Variants in GRM4 observed in about 807,000 individuals in gnomAD.
GRM4 encodes metabotropic glutamate receptor 4.
In GRM4, 28 loss-of-function variants were observed where a neutral mutation model predicts 81.7. The ratio of observed to expected loss-of-function variants is 0.34; its 90% CI spans 0.25 to 0.47. GRM4 has a LOEUF of 0.47. Ranked by LOEUF, GRM4 falls within the 20% of genes least tolerant of loss-of-function variation. The pLI is 1.00. For synonymous variants in GRM4, 488 were observed against 528.8 expected, an observed-to-expected ratio of 0.92 and a Z score of 1.06; for missense variants, 948 against 1,290.0, an observed-to-expected ratio of 0.73 and a Z score of 4.06.
intron 8 of GRM4, among the ~76,000 whole-genome samples, chr6:34,037,032 C>T (rs1360240692): frequency 1.3e-5 from 2 of 152,220 alleles, no homozygotes; most frequent in African/African-American, 4.8e-5. Context: ...CAAATTCCAG[C>T]CCCATCCCAG....
At chr6:34,109,846 C>T (rs2127498589) in intron 2 of GRM4, among the ~76,000 whole-genome samples, 1 of 152,192 alleles carries the variant, frequency 6.6e-6, no homozygotes, top group Middle Eastern at 3.4e-3. Flanking sequence ...TCATGTGGTT[C>T]CAAGTTCTCT....
chr6:34,038,526 G>A (rs940055695), intron 8 of GRM4, among the ~76,000 whole-genome samples: 4 of 152,196 alleles, frequency 2.6e-5, no homozygotes, highest in Admixed American at 1.3e-4. Context: ...CCAGTGATGC[G>A]ACGCCGCCAC....
In GRM4 at chr6:34,035,908, T is replaced by G. The variant is rs2228623; in HGVS notation, c.2202A>C (p.Thr734=). ...HSVVDFQDQR[T]LDPRFARGVL... Reference sequence around the variant, plus strand: ...CACCCCTGGCGAAGCGGGGGTCGAGTGTCCGCTGGTCCTGGAAGTCCACCA... The same window carrying G: ...CACCCCTGGCGAAGCGGGGGTCGAGGGTCCGCTGGTCCTGGAAGTCCACCA... The change falls in exon 9 of 11, where the codon ACA becomes ACC. Residue 734 remains threonine, a synonymous_variant. Coordinates refer to ENST00000538487, the MANE Select transcript of GRM4 (RefSeq NM_000841.4). This position sits in a 1 kb window ranked among gnomAD's most constrained non-coding sequence, Gnocchi z 6.6. The G allele has an allele frequency of 1.2e-6, 2 of 1,606,758 alleles. No individual in the cohort carries two copies. Among genetic ancestry groups the G allele is most frequent in the East Asian group, 4.5e-5 (2 of 44,576 alleles).
chr6:34,133,847 T>A lies in GRM4; in HGVS notation c.-351A>T. The A allele has an allele frequency of 9.3e-7, 1 of 1,078,234 alleles. No homozygotes were observed. The highest frequency in any genetic ancestry group is 1.1e-6 in the Non-Finnish European group (1 of 890,582). 66.8% of individuals were successfully genotyped at this position (1,078,234 alleles called of 1,614,324 possible). ...CAAGGAGAAAACAGCTCCAATCCTCTCCTCCTACCAACCTTAGAAGGGGAA... is the reference window on the plus strand; with the variant it reads ...CAAGGAGAAAACAGCTCCAATCCTCACCTCCTACCAACCTTAGAAGGGGAA... On this transcript the variant is annotated 5_prime_UTR_variant, in exon 2 of 11. Transcript: ENST00000538487. The surrounding 1 kb of genome is among the most constrained non-coding windows in gnomAD (Gnocchi z 6.5).
At chr6:34,140,312 G>A (rs1770626883) in intron 1 of GRM4, among the ~76,000 whole-genome samples, 1 of 138,628 alleles carries the variant, frequency 7.2e-6, no homozygotes, top group Non-Finnish European at 1.6e-5. Flanking sequence ...GTGACCAGGG[G>A]GCAGTGGGGA....
intron 1 of GRM4, among the ~76,000 whole-genome samples, chr6:34,145,595 C>G (rs1770896184): frequency 6.6e-6 from 1 of 152,036 alleles, no homozygotes; most frequent in Non-Finnish European, 1.5e-5. Context: ...GGAGAGCGAG[C>G]GAGAGAGGGA....
At chr6:34,075,186 C>T (rs557089613) in intron 3 of GRM4, among the ~76,000 whole-genome samples, 1 of 152,100 alleles carries the variant, frequency 6.6e-6, no homozygotes, top group East Asian at 1.9e-4. Context: ...CGGTCAAGGC[C>T]GGGACACTGT....
At chr6:34,129,306 C>T (rs562872733) in intron 2 of GRM4, among the ~76,000 whole-genome samples, 15 of 152,174 alleles carry the variant, frequency 9.9e-5, no homozygotes, top group Admixed American at 7.9e-4. Flanking sequence ...TGAGCCACTG[C>T]GCCAGCCACA....
At chr6:34,044,030 A>G (rs1317140693) in intron 6 of GRM4, among the ~76,000 whole-genome samples, 2 of 151,914 alleles carry the variant, frequency 1.3e-5, no homozygotes, top group Non-Finnish European at 2.9e-5. Flanking sequence ...CACCACACAC[A>G]TACACACACA....
chr6:34,065,269 C>T (rs562668484), intron 3 of GRM4, among the ~76,000 whole-genome samples: 92 of 152,274 alleles, frequency 6.0e-4, no homozygotes, highest in African/African-American at 2.2e-3. Context: ...ATCCCTGTGC[C>T]CAGCCCCTGG....
chr6:34,129,559 G>A (rs1424218922), intron 2 of GRM4, among the ~76,000 whole-genome samples: 2 of 152,186 alleles, frequency 1.3e-5, no homozygotes, highest in Non-Finnish European at 2.9e-5. Flanking sequence ...ATGAAGGAAG[G>A]GGTGGGAGCA....
chr6:34,108,294 AC>A (rs1769217299), intron 2 of GRM4, among the ~76,000 whole-genome samples: 2 of 152,250 alleles, frequency 1.3e-5, no homozygotes, highest in African/African-American at 4.8e-5. Context: ...ATAAGAGTTA[AC>A]AGCTCTCAAG....
At chr6:34,107,441 G>C (rs1242500958) in intron 2 of GRM4, among the ~76,000 whole-genome samples, 1 of 152,182 alleles carries the variant, frequency 6.6e-6, no homozygotes. Flanking sequence ...GTATTGCTGA[G>C]TCCAGAAGGA....
chr6:34,039,007 TC>T (rs1159585706), intron 8 of GRM4, among the ~76,000 whole-genome samples: 1 of 152,094 alleles, frequency 6.6e-6, no homozygotes, highest in East Asian at 1.9e-4. Context: ...TGAGTTGCAG[TC>T]CCCGGCCCCC....
At chr6:34,116,232 G>T (rs1379019781) in intron 2 of GRM4, among the ~76,000 whole-genome samples, 1 of 152,192 alleles carries the variant, frequency 6.6e-6, no homozygotes, top group African/African-American at 2.4e-5. Context: ...GGGACAGGCA[G>T]CGCTGCAGGC....
intron 2 of GRM4, among the ~76,000 whole-genome samples, chr6:34,132,764 T>A (rs574965959): frequency 2.2e-4 from 33 of 152,342 alleles, no homozygotes; most frequent in African/African-American, 7.9e-4. Flanking sequence ...ATGCCTTTCA[T>A]CTGCTGTGCC....
At chr6:34,057,253 C>A (rs911144007) in intron 5 of GRM4, among the ~76,000 whole-genome samples, 1 of 146,860 alleles carries the variant, frequency 6.8e-6, no homozygotes. Context: ...GGCAGGCTGG[C>A]GGTGAACAAC....
chr6:34,081,266 A>G (rs1221513545), intron 3 of GRM4, among the ~76,000 whole-genome samples: 1 of 152,218 alleles, frequency 6.6e-6, no homozygotes, highest in African/African-American at 2.4e-5. Flanking sequence ...AAGTGGGGAC[A>G]ATGCTCAGGA....
chr6:34,153,747 G>T (rs1716353860), intron 1 of GRM4, among the ~76,000 whole-genome samples: 1 of 152,116 alleles, frequency 6.6e-6, no homozygotes, highest in Admixed American at 6.6e-5. Flanking sequence ...TTAGCCAGGT[G>T]TGAACCCCGT....
Sources: gnomAD v4.1 joint callset for allele counts (sites outside exome capture counted in the v4.1 genomes callset) on GRCh38, gnomAD v4.1.1 for gene constraint, Gnocchi (gnomAD v3.1) non-coding constraint, MANE v1.5 for transcripts, NCBI Gene and HGNC (gene_info 2026-07-23, HGNC 2026-07-21) for gene names.